Variants in GPC5 observed in about 807,000 individuals in gnomAD.
GPC5 encodes the protein glypican-5.
In GPC5, 47 loss-of-function variants were observed where a neutral mutation model predicts 53.9. The observed-to-expected ratio is 0.87, with a 90% CI of 0.69 to 1.11. GPC5 has a LOEUF of 1.11. GPC5 is among the 50% of genes most tolerant of loss of function. GPC5 has a pLI of 0.00. For missense variants in GPC5, 748 were observed against 713.1 expected (o/e 1.05, Z -0.56); for synonymous variants, 286 against 263.3 (o/e 1.09, Z -0.84).
intron 6 of GPC5, among the ~76,000 whole-genome samples, chr13:92,135,853 A>T (rs934300658): frequency 3.9e-5 from 6 of 152,232 alleles, no homozygotes; most frequent in African/African-American, 1.4e-4. Flanking sequence ...ATAACATGAC[A>T]CATTGTAAAG....
At position 91,880,702 on chromosome 13, in the gene GPC5, C is replaced by T. The variant is rs149899317; in HGVS notation, c.1281-27235C>T. Among the ~76,000 whole-genome samples, 44 of 152,242 alleles carry T rather than the reference C, an allele frequency of 2.9e-4. No individual in the cohort carries two copies. In the East Asian group the frequency reaches 7.5e-3, roughly 26 times the overall value. ...TATACTCAAAGCTTGGATAATTCTC[C>T]ACTTCCTTAAGTTGGGGAAAAAGTG... On this transcript the variant is annotated intron_variant, in intron 5 of 7. Coordinates refer to ENST00000377067, the MANE Select transcript of GPC5 (RefSeq NM_004466.6).
chr13:92,168,118 T>C (rs74381159), intron 7 of GPC5, among the ~76,000 whole-genome samples: 1,906 of 152,282 alleles, frequency 0.013, 33 homozygotes, highest in African/African-American at 0.044. Context: ...CACAGAGTCC[T>C]AACACTGGGT....
chr13:92,591,724 C>A (rs186873749), intron 7 of GPC5, among the ~76,000 whole-genome samples: 1 of 152,046 alleles, frequency 6.6e-6, no homozygotes, highest in Non-Finnish European at 1.5e-5. Context: ...ATATATCCTT[C>A]GACCAACCTT....
intron 2 of GPC5, among the ~76,000 whole-genome samples, chr13:91,541,890 T>G (rs1221586723): frequency 6.6e-6 from 1 of 151,798 alleles, no homozygotes; most frequent in African/African-American, 2.4e-5. Context: ...TTACTGTTTT[T>G]TTCGTAAATG....
At chr13:92,195,631 A>G (rs752756604) in intron 7 of GPC5, among the ~76,000 whole-genome samples, 16 of 152,150 alleles carry the variant, frequency 1.1e-4, no homozygotes, top group Non-Finnish European at 1.6e-4. Flanking sequence ...ACAAGAATAA[A>G]CCACTGATTT....
chr13:92,119,549 C>T (rs1225278190), intron 6 of GPC5, among the ~76,000 whole-genome samples: 6 of 147,426 alleles, frequency 4.1e-5, no homozygotes, highest in Non-Finnish European at 6.0e-5. Flanking sequence ...ACAAGGCGCC[C>T]GCCACCTCGC....
At chr13:91,931,790 C>A (rs187804812) in intron 6 of GPC5, among the ~76,000 whole-genome samples, 1 of 151,990 alleles carries the variant, frequency 6.6e-6, no homozygotes, top group Non-Finnish European at 1.5e-5. Context: ...TGAGTTGATT[C>A]GTGGCACTTC....
intron 7 of GPC5, among the ~76,000 whole-genome samples, chr13:92,314,927 C>T (rs2139215262): frequency 6.6e-6 from 1 of 152,104 alleles, no homozygotes; most frequent in East Asian, 1.9e-4. Context: ...GGCATGTGCC[C>T]CATGCCCAGC....
At chr13:92,564,550 A>G (rs1467498567) in intron 7 of GPC5, among the ~76,000 whole-genome samples, 2 of 151,748 alleles carry the variant, frequency 1.3e-5, no homozygotes, top group Non-Finnish European at 2.9e-5. Context: ...AATTCAGGGG[A>G]TACATATACA....
chr13:91,633,403 A>G (rs1192096431), intron 2 of GPC5, among the ~76,000 whole-genome samples: 3 of 152,118 alleles, frequency 2.0e-5, no homozygotes, highest in African/African-American at 7.2e-5. Context: ...TTTTCCTGGA[A>G]CAACTAACCT....
Position 91,849,337 on chromosome 13 carries a change from G to A in GPC5, c.1281-58600G>A, listed in dbSNP as rs75155487. ...TTATCCCAGACACTGCTATATAGAG[G>A]CACTGCCCTCCCTCACCAGGCTGCC... On this transcript the variant is annotated intron_variant, in intron 5 of 7. Coordinates refer to ENST00000377067, the MANE Select transcript of GPC5 (RefSeq NM_004466.6). 4.4e-3 allele frequency among the ~76,000 whole-genome samples: 676 copies of A among 152,216 alleles called. 13 individuals are homozygous for A. The East Asian group carries it at 0.056, about 13-fold the overall frequency.
At chr13:92,471,747 T>G (rs1305081338) in intron 7 of GPC5, among the ~76,000 whole-genome samples, 1 of 152,158 alleles carries the variant, frequency 6.6e-6, no homozygotes, top group Non-Finnish European at 1.5e-5. Flanking sequence ...AGTATTTGAT[T>G]ATTCAAAAAA....
At chr13:92,835,527 T>C (rs1878193124) in intron 7 of GPC5, among the ~76,000 whole-genome samples, 1 of 152,034 alleles carries the variant, frequency 6.6e-6, no homozygotes. Context: ...TTTTAATGAC[T>C]GCGTAATATT....
chr13:91,585,542 G>A (rs2032529128), intron 2 of GPC5, among the ~76,000 whole-genome samples: 1 of 152,164 alleles, frequency 6.6e-6, no homozygotes, highest in African/African-American at 2.4e-5. Flanking sequence ...GAGGTATACT[G>A]TGCAATTATA....
chr13:92,612,670 G>A (rs1426051113), intron 7 of GPC5, among the ~76,000 whole-genome samples: 1 of 152,062 alleles, frequency 6.6e-6, no homozygotes, highest in Admixed American at 6.6e-5. Context: ...TTGCACTATA[G>A]AGATGCTGGT....
rs115767944 is a variant in GPC5, at chr13:92,462,948, A to G, written c.1561+317959A>G. Among the ~76,000 whole-genome samples the G allele has an allele frequency of 7.1e-3, 1,083 of 152,144 alleles. 16 individuals carry two copies. Among genetic ancestry groups the G allele is most frequent in the African/African-American group, 0.025 (1,027 of 41,534 alleles). ...TCAGGTTTTGTTCATTTTTAAATCAAGGAGTTCAAGGCATCTGTCAGAAAG... is the reference window on the plus strand; with the variant it reads ...TCAGGTTTTGTTCATTTTTAAATCAGGGAGTTCAAGGCATCTGTCAGAAAG... On this transcript the variant is annotated intron_variant, in intron 7 of 7. Transcript: ENST00000377067.
At chr13:91,604,435 C>T (rs1195711158) in intron 2 of GPC5, among the ~76,000 whole-genome samples, 1 of 151,782 alleles carries the variant, frequency 6.6e-6, no homozygotes, top group Non-Finnish European at 1.5e-5. Context: ...GTCTTTATAG[C>T]AGCATGATTT....
At chr13:91,461,330 T>A (rs1881916680) in intron 2 of GPC5, among the ~76,000 whole-genome samples, 1 of 152,112 alleles carries the variant, frequency 6.6e-6, no homozygotes, top group South Asian at 2.1e-4. Flanking sequence ...AGAACAAACA[T>A]TGGTCTTTGG....
intron 7 of GPC5, among the ~76,000 whole-genome samples, chr13:92,546,230 G>T (rs547827448): frequency 6.6e-6 from 1 of 152,066 alleles, no homozygotes; most frequent in African/African-American, 2.4e-5. Context: ...CAAATTGTCC[G>T]CATTTGCAGA....
Sources: allele counts gnomAD v4.1 joint callset (sites outside exome capture counted in the v4.1 genomes callset), GRCh38; gene constraint gnomAD v4.1.1; transcripts MANE v1.5; gene names NCBI Gene and HGNC (gene_info 2026-07-23, HGNC 2026-07-21).